The following RNF157 variants were observed in gnomAD, a reference collection of about 807,000 sequenced individuals.
The protein encoded by RNF157 is ring finger protein 157.
A neutral mutation model predicts 88.3 loss-of-function variants in RNF157; 55 were observed. The observed-to-expected ratio is 0.62, with a 90% confidence interval of 0.50 to 0.78. The LOEUF (loss-of-function observed/expected upper bound fraction) is 0.78, where lower values mean the gene tolerates loss of function less well. Among genes scored for constraint, RNF157 ranks in the 30% least tolerant of loss-of-function variants. RNF157 has a pLI of 0.00. For missense variants in RNF157, 788 were observed against 860.8 expected, an observed-to-expected ratio of 0.92 and a Z score of 1.06; for synonymous variants, 334 against 341.2, an observed-to-expected ratio of 0.98 and a Z score of 0.23.
At chr17:76,215,130 T>G (rs2069866277) in intron 1 of RNF157, among the ~76,000 whole-genome samples, 1 of 151,954 alleles carries the variant, frequency 6.6e-6, no homozygotes, top group African/African-American at 2.4e-5. Context: ...ACTCCCTAAA[T>G]CAGTTGCAAT....
intron 2 of RNF157, among the ~76,000 whole-genome samples, chr17:76,186,375 C>T (rs575276818): frequency 4.0e-5 from 6 of 151,510 alleles, no homozygotes; most frequent in Non-Finnish European, 7.4e-5. Flanking sequence ...GGCGTGGTGG[C>T]GGGTGCCTGT....
At chr17:76,204,258 C>T (rs1417784997) in intron 2 of RNF157, among the ~76,000 whole-genome samples, 4 of 152,198 alleles carry the variant, frequency 2.6e-5, no homozygotes, top group Admixed American at 2.0e-4. Flanking sequence ...GCCTCAGATG[C>T]CTCTCCTCAT....
At chr17:76,153,122 CA>C (rs111912783) in intron 17 of RNF157, 41,081 of 151,844 alleles carry the variant, frequency 0.27, 5,703 homozygotes, top group African/African-American at 0.3. Context: ...CTTTTTTTCT[CA>C]GTGAAACAGA....
chr17:76,190,549 G>A, intron 2 of RNF157, among the ~76,000 whole-genome samples: 1 of 149,968 alleles, frequency 6.7e-6, no homozygotes, highest in Non-Finnish European at 1.5e-5. Context: ...GCTGCAGTGA[G>A]CCATGATCAT....
intron 3 of RNF157, among the ~76,000 whole-genome samples, chr17:76,172,914 C>T (rs1452472431): frequency 6.6e-6 from 1 of 151,964 alleles, no homozygotes; most frequent in Admixed American, 6.6e-5. Flanking sequence ...CGATAATTAA[C>T]ATTGATGATG....
At chr17:76,189,350 A>G (rs972456358) in intron 2 of RNF157, among the ~76,000 whole-genome samples, 1 of 152,228 alleles carries the variant, frequency 6.6e-6, no homozygotes, top group Non-Finnish European at 1.5e-5. Context: ...TAATTCAGCA[A>G]GAGAAATGCA....
At chr17:76,220,726 G>A (rs1228956428) in intron 1 of RNF157, among the ~76,000 whole-genome samples, 9 of 152,050 alleles carry the variant, frequency 5.9e-5, no homozygotes, top group Non-Finnish European at 1.3e-4. Flanking sequence ...TTGGGAGGCC[G>A]AGGTGGGTGG....
chr17:76,177,654 C>G (rs553472013), intron 2 of RNF157, among the ~76,000 whole-genome samples: 1 of 152,146 alleles, frequency 6.6e-6, no homozygotes, highest in African/African-American at 2.4e-5. Flanking sequence ...TCTAGGCCTG[C>G]CCATGGATGC....
intron 2 of RNF157, among the ~76,000 whole-genome samples, chr17:76,194,368 G>C (rs1036486190): frequency 7.2e-5 from 11 of 152,104 alleles, no homozygotes; most frequent in East Asian, 3.9e-4. Flanking sequence ...AGAACACCAC[G>C]CACTCAGCCA....
chr17:76,221,946 T>C (rs1002355826), intron 1 of RNF157, among the ~76,000 whole-genome samples: 7 of 152,200 alleles, frequency 4.6e-5, no homozygotes, highest in Admixed American at 1.3e-4. Flanking sequence ...TATGATTCCA[T>C]GTATATGAAA....
Position 76,173,715 on chromosome 17 carries a change from G to C in RNF157, c.283C>G (p.Leu95Val). The C allele has an allele frequency of 1.2e-6, 2 of 1,608,700 alleles. No individual in the cohort carries two copies. Among genetic ancestry groups the C allele is most frequent in the Non-Finnish European group, 1.7e-6 (2 of 1,177,032 alleles). Reference protein sequence around the residue: ...RSLVNIRKDTLRLVKCAEEVK... With the variant: ...RSLVNIRKDTVRLVKCAEEVK... ...CTGGGAACTTACTTGACGAGCCTCAGTGTGTCCTTTCGGATATTGACCAGG... is the reference window on the plus strand; with the variant it reads ...CTGGGAACTTACTTGACGAGCCTCACTGTGTCCTTTCGGATATTGACCAGG... Residue 95 changes from leucine to valine, a missense_variant, in exon 3 of 19, where the codon CTG becomes GTG. Transcript: ENST00000269391.
At position 76,145,106 on chromosome 17, in the gene RNF157, G is replaced by A. The variant is rs1298228372; in HGVS notation, c.*129C>T. Reference sequence around the variant, plus strand: ...TGAGAGGTGAGGGATTGTGGTTACAGGTTGTAACAGCTGTCACAGGAGGGT... The same window carrying A: ...TGAGAGGTGAGGGATTGTGGTTACAAGTTGTAACAGCTGTCACAGGAGGGT... On this transcript the variant is annotated 3_prime_UTR_variant, in exon 19 of 19. Transcript: ENST00000269391. 1 of 623,852 alleles carries A rather than the reference G, an allele frequency of 1.6e-6. No individual in the cohort carries two copies. Among genetic ancestry groups the A allele is most frequent in the Non-Finnish European group, 2.9e-6 (1 of 347,890 alleles). The allele number at this position is 623,852 out of a possible 1,614,324, so 38.6% of individuals were successfully genotyped here. A position where few individuals can be genotyped will look rare whatever the true frequency, so the allele number is the denominator to read the frequency against.
rs2070076761 is a variant in RNF157 at position 76,225,980 on chromosome 17, T to C, written c.89-13498A>G. The C allele has an allele frequency of 7.4e-6, 12 of 1,611,124 alleles. No individual in the cohort carries two copies. The South Asian group carries it at 1.3e-4, about 18-fold the overall frequency. On this transcript the variant is annotated intron_variant, in intron 1 of 18. Coordinates refer to ENST00000269391, the MANE Select transcript of RNF157 (RefSeq NM_052916.3). ...TTTTTTCAGCTTCTTATCCAGTTTC[T>C]CACCCTTTACTTTTGCTGCTACCAT...
chr17:76,240,270 C>T lies in RNF157; in HGVS notation c.-30G>A. The T allele has an allele frequency of 1.8e-6, 2 of 1,087,956 alleles. No individual in the cohort carries two copies. The highest frequency in any genetic ancestry group is 2.3e-6 in the Non-Finnish European group (2 of 888,738). The allele number at this position is 1,087,956 out of a possible 1,614,324, so 67.4% of individuals were successfully genotyped here. ...GCTGCGGCTGCAGCCCCGGCCCGGC[C>T]CCGGTGCCCGCGCCGCCCTCCGCGC... On this transcript the variant is annotated 5_prime_UTR_variant, in exon 1 of 19. Coordinates refer to ENST00000269391, the MANE Select transcript of RNF157 (RefSeq NM_052916.3). The surrounding 1 kb of genome is among the most constrained non-coding windows in gnomAD (Gnocchi z 4.4).
chr17:76,225,966 T>C (rs1158377719), intron 1 of RNF157: 15 of 1,611,192 alleles, frequency 9.3e-6, no homozygotes, highest in Non-Finnish European at 1.1e-5. Flanking sequence ...TTTTTCAGCT[T>C]CTTATCCAGT....
intron 1 of RNF157, among the ~76,000 whole-genome samples, chr17:76,234,288 G>A (rs1284751332): frequency 2.6e-5 from 4 of 152,054 alleles, no homozygotes; most frequent in East Asian, 1.9e-4. Context: ...TCTATTCATC[G>A]GTTGATGAAC....
intron 1 of RNF157, among the ~76,000 whole-genome samples, chr17:76,220,710 A>C (rs2069967728): frequency 6.6e-6 from 1 of 151,874 alleles, no homozygotes. Context: ...CTGTAATCCC[A>C]ACACTTTGGG....
In RNF157 at chr17:76,181,870, T is replaced by C. The variant is rs2069193908; in HGVS notation, c.208-8080A>G. Among the ~76,000 whole-genome samples, 2 of 141,358 alleles carry C rather than the reference T, an allele frequency of 1.4e-5. 1 individual carries two copies. Among genetic ancestry groups the C allele is most frequent in the South Asian group, 4.3e-4 (2 of 4,632 alleles). 92.7% of individuals were successfully genotyped at this position (141,358 alleles called of 152,430 possible). On this transcript the variant is annotated intron_variant, in intron 2 of 18. Coordinates refer to ENST00000269391, the MANE Select transcript of RNF157 (RefSeq NM_052916.3). ...TTGCAGTGAGCTGAGATCACACCAC[T>C]GCACTCCAGCCTGGGTGACCGAGTG...
At position 76,146,572 on chromosome 17, in the gene RNF157, G is replaced by T. The variant is rs989491905; in HGVS notation, c.1922-1219C>A. On this transcript the variant is annotated intron_variant, in intron 18 of 18. Coordinates refer to ENST00000269391, the MANE Select transcript of RNF157 (RefSeq NM_052916.3). The surrounding 1 kb of genome is among the most constrained non-coding windows in gnomAD (Gnocchi z 4.2). ...CCTCCGGACCCTGTGGGCCTCCCCAGCCGTGTCTCCCAGTGGCCTCCCCTC... is the reference window on the plus strand; with the variant it reads ...CCTCCGGACCCTGTGGGCCTCCCCATCCGTGTCTCCCAGTGGCCTCCCCTC... The T allele has an allele frequency of 5.1e-6, 5 of 985,334 alleles. No homozygotes were observed. Among genetic ancestry groups the T allele is most frequent in the Middle Eastern group, 5.2e-4 (1 of 1,936 alleles). 61.0% of individuals were successfully genotyped at this position (985,334 alleles called of 1,614,324 possible).
Sources: gnomAD v4.1 joint callset for allele counts (sites outside exome capture counted in the v4.1 genomes callset) on GRCh38, gnomAD v4.1.1 for gene constraint, Gnocchi (gnomAD v3.1) non-coding constraint, MANE v1.5 for transcripts, NCBI Gene and HGNC (gene_info 2026-07-23, HGNC 2026-07-21) for gene names.